Variants in DRC5 observed in about 807,000 individuals in gnomAD.
The protein encoded by DRC5 is dynein regulatory complex subunit 5.
chr6:44,284,816 C>T, the DRC5 span, among the ~76,000 whole-genome samples: 2 of 152,254 alleles, frequency 1.3e-5, no homozygotes, highest in Non-Finnish European at 2.9e-5. Flanking sequence ...CTCACCCTCA[C>T]CTGGATTTGG....
At chr6:44,284,584 C>T in the DRC5 span, among the ~76,000 whole-genome samples, 1 of 152,190 alleles carries the variant, frequency 6.6e-6, no homozygotes, top group Admixed American at 6.5e-5. Context: ...CCCCTCAAAA[C>T]TGATCCTCTT....
the DRC5 span, chr6:44,286,650 G>C: frequency 1.2e-6 from 1 of 862,724 alleles, no homozygotes; most frequent in Non-Finnish European, 1.8e-6. Context: ...TCCCTGCTTA[G>C]GGGATAGACA....
At chr6:44,296,067 A>C in the DRC5 span, among the ~76,000 whole-genome samples, 1 of 152,208 alleles carries the variant, frequency 6.6e-6, no homozygotes, top group Non-Finnish European at 1.5e-5. Context: ...CCATTTCACA[A>C]ATGAGGAAAC....
chr6:44,283,231 G>A, the DRC5 span, among the ~76,000 whole-genome samples: 1 of 152,180 alleles, frequency 6.6e-6, no homozygotes, highest in Admixed American at 6.6e-5. Flanking sequence ...GATTGAAGCA[G>A]TTGAGACAGG....
At chr6:44,279,869 G>GA in the DRC5 span, 1 of 260,570 alleles carries the variant, frequency 3.8e-6, no homozygotes, top group African/African-American at 2.2e-5. Flanking sequence ...CCCAACGGGA[G>GA]AATCTGGCAG....
chr6:44,295,415 C>A, the DRC5 span, among the ~76,000 whole-genome samples: 1 of 152,146 alleles, frequency 6.6e-6, no homozygotes, highest in Non-Finnish European at 1.5e-5. Context: ...CAGGGAAAGG[C>A]CAATCCTCCT....
At chr6:44,282,674 G>T in the DRC5 span, 1 of 814,362 alleles carries the variant, frequency 1.2e-6, no homozygotes, top group East Asian at 2.6e-5. Flanking sequence ...GGGTCTTGGA[G>T]GGGGCCAGGC....
At chr6:44,287,792 C>A in the DRC5 span, 1 of 1,614,050 alleles carries the variant, frequency 6.2e-7, no homozygotes, top group Admixed American at 1.7e-5. Flanking sequence ...TGGCTGGGGT[C>A]CAACAATGCT....
At chr6:44,280,124 A>G in the DRC5 span, 2 of 1,477,652 alleles carry the variant, frequency 1.4e-6, no homozygotes, top group African/African-American at 1.4e-5. Context: ...TGCAGCAGGC[A>G]TGGCAGGGGT....
At chr6:44,283,677 A>G in the DRC5 span, among the ~76,000 whole-genome samples, 1 of 152,236 alleles carries the variant, frequency 6.6e-6, no homozygotes, top group Non-Finnish European at 1.5e-5. Flanking sequence ...TGCGCAAGCA[A>G]CTGACAAAAT....
At chr6:44,282,269 G>C in the DRC5 span, 4 of 1,614,082 alleles carry the variant, frequency 2.5e-6, no homozygotes, top group African/African-American at 5.3e-5. Context: ...CAAGAGCCTG[G>C]CCACCCTCAT....
the DRC5 span, chr6:44,282,300 AG>A: frequency 3.1e-6 from 5 of 1,614,182 alleles, no homozygotes; most frequent in Non-Finnish European, 4.2e-6. Flanking sequence ...GTTGAGACGT[AG>A]GTTGAGGGAA....
chr6:44,294,618 G>T, the DRC5 span, among the ~76,000 whole-genome samples: 3 of 151,576 alleles, frequency 2.0e-5, no homozygotes, highest in Non-Finnish European at 4.4e-5. Context: ...GGTGGCACAT[G>T]CCTGTAATCC....
the DRC5 span, among the ~76,000 whole-genome samples, chr6:44,291,090 C>T: frequency 1.3e-5 from 2 of 152,218 alleles, no homozygotes; most frequent in African/African-American, 4.8e-5. Context: ...GGCAGGGCCT[C>T]GCTCCATATC....
At chr6:44,287,587 G>A in the DRC5 span, 1 of 1,614,002 alleles carries the variant, frequency 6.2e-7, no homozygotes, top group Non-Finnish European at 8.5e-7. Context: ...GCAGAGCTCT[G>A]TGAGGAGGGG....
At chr6:44,294,577 T>G in the DRC5 span, among the ~76,000 whole-genome samples, 1 of 151,006 alleles carries the variant, frequency 6.6e-6, no homozygotes, top group African/African-American at 2.4e-5. Context: ...AAACCCCGTC[T>G]CTACTAAAAA....
the DRC5 span, among the ~76,000 whole-genome samples, chr6:44,291,148 C>A: frequency 6.6e-6 from 1 of 152,228 alleles, no homozygotes; most frequent in African/African-American, 2.4e-5. Flanking sequence ...CCCCTACTAC[C>A]TTCAGCCTTT....
At chr6:44,288,478 G>A in the DRC5 span, among the ~76,000 whole-genome samples, 2 of 152,028 alleles carry the variant, frequency 1.3e-5, no homozygotes, top group Admixed American at 6.6e-5. Flanking sequence ...ACATTGGACC[G>A]GCCCTCTGAG....
At chr6:44,282,358 C>T in the DRC5 span, 172 of 1,614,040 alleles carry the variant, frequency 1.1e-4, 1 homozygote, top group Non-Finnish European at 1.4e-4. Flanking sequence ...GACTGGGCAC[C>T]GGGTGCACGC....
Sources: allele counts gnomAD v4.1 joint callset (sites outside exome capture counted in the v4.1 genomes callset), GRCh38; gene constraint gnomAD v4.1.1; transcripts MANE v1.5; gene names NCBI Gene and HGNC (gene_info 2026-07-23, HGNC 2026-07-21).